The following EPHA8 variants were observed in gnomAD, a reference collection of about 807,000 sequenced individuals.
The protein encoded by EPHA8 is EPH receptor A8.
EPHA8 carries 58 observed loss-of-function variants against 103.6 expected under a neutral mutation model. The observed-to-expected ratio is 0.56, with a 90% CI of 0.45 to 0.70. The LOEUF is 0.70. Ranked by LOEUF, EPHA8 falls within the 30% of genes least tolerant of loss-of-function variation. The pLI is 0.00. For missense variants in EPHA8, 1,304 were observed against 1,395.2 expected (o/e 0.93, Z 1.04); for synonymous variants, 559 against 572.5 (o/e 0.98, Z 0.34).
intron 3 of EPHA8, among the ~76,000 whole-genome samples, chr1:22,580,381 C>A (rs1224156006): frequency 6.6e-6 from 1 of 152,018 alleles, no homozygotes; most frequent in African/African-American, 2.4e-5. Flanking sequence ...TCAAGTGATC[C>A]GCCTGCCTCG....
rs777749430 is a variant in EPHA8 at position 22,598,827 on chromosome 1, TC to T, written c.2179-6del. 3.7e-5 allele frequency: 60 copies of T among 1,610,162 alleles called. No individual in the cohort carries two copies. The South Asian group carries it at 6.4e-4, about 17-fold the overall frequency. ...GGGCTTTCCTGAAGTCCAAGCCATG[TC>T]CCCCTGCAGACCCACGACGGGCAGT... is the stretch of plus-strand genomic sequence containing the variant. On this transcript the variant is annotated splice_polypyrimidine_tract_variant and intron_variant, in intron 12 of 16. Transcript: ENST00000166244. The surrounding 1 kb of genome is among the most constrained non-coding windows in gnomAD (Gnocchi z 5.1).
At position 22,586,462 on chromosome 1, in the gene EPHA8, C is replaced by T; in HGVS notation, c.824-18C>T. On this transcript the variant is annotated intron_variant, in intron 3 of 16. Transcript: ENST00000166244. ...GGTGGCCCTGCTGGCTCATGTGCAG[C>T]CGCCTTCTCCTCCACAGCCTGTGAG... 1.9e-6 allele frequency: 3 copies of T among 1,611,084 alleles called. No individual in the cohort carries two copies. The highest frequency in any genetic ancestry group is 2.2e-5 in the East Asian group (1 of 44,822).
chr1:22,594,135 T>A (rs1641452605), intron 7 of EPHA8, among the ~76,000 whole-genome samples: 1 of 152,064 alleles, frequency 6.6e-6, no homozygotes, highest in African/African-American at 2.4e-5. Flanking sequence ...CCAGCCTAAT[T>A]TTTTTGTGTA....
rs750521094 is a variant in EPHA8, at chr1:22,597,766, C to A, written c.2021C>A (p.Thr674Lys). 2.5e-6 allele frequency: 4 copies of A among 1,613,214 alleles called. No homozygotes were observed. Among genetic ancestry groups the A allele is most frequent in the Non-Finnish European group, 3.4e-6 (4 of 1,179,988 alleles). Residue 674 changes from threonine (T) to lysine (K), a missense_variant, in exon 11 of 17, where the codon ACG (threonine) becomes AAG (lysine). Transcript: ENST00000166244. This position sits in a 1 kb window ranked among gnomAD's most constrained non-coding sequence, Gnocchi z 4.6. ...ATCAAGGCCCTCAAAGCCGGCTACA[C>A]GGAGAGACAGAGGCGGGACTTCCTG... The part of the protein sequence containing the change: ...VAIKALKAGY[T>K]ERQRRDFLSE...
intron 1 of EPHA8, among the ~76,000 whole-genome samples, chr1:22,564,581 GACCAAA>G (rs541086718): frequency 6.6e-6 from 1 of 152,084 alleles, no homozygotes; most frequent in Admixed American, 6.5e-5. Flanking sequence ...GAGTCGTTGG[GACCAAA>G]AAGGTCTGGG....
At chr1:22,583,036 G>A (rs959409781) in intron 3 of EPHA8, among the ~76,000 whole-genome samples, 4 of 152,202 alleles carry the variant, frequency 2.6e-5, no homozygotes, top group Non-Finnish European at 5.9e-5. Context: ...TCAAATCTCC[G>A]GCTCTTTGCG....
At chr1:22,585,050 T>TGCGC (rs1553146963) in intron 3 of EPHA8, among the ~76,000 whole-genome samples, 72 of 93,494 alleles carry the variant, frequency 7.7e-4, no homozygotes, top group Non-Finnish European at 1.1e-3. Context: ...TGTGTGTGTG[T>TGCGC]GCGCACGCGT....
At chr1:22,578,971 A>T (rs1640929802) in intron 3 of EPHA8, among the ~76,000 whole-genome samples, 2 of 142,282 alleles carry the variant, frequency 1.4e-5, no homozygotes, top group Admixed American at 7.4e-5. Context: ...GTGTATGTTC[A>T]TGTGTGTGAG....
chr1:22,591,391 T>C (rs2148256669), intron 5 of EPHA8, among the ~76,000 whole-genome samples: 1 of 151,070 alleles, frequency 6.6e-6, no homozygotes, highest in East Asian at 2.0e-4. Context: ...CCCAGTGATT[T>C]TTTTTTTTTT....
Position 22,595,250 on chromosome 1 carries a change from A to T in EPHA8, c.1624A>T (p.Thr542Ser), listed in dbSNP as rs939191026. ...GKPRPRYDTR[T>S]IVWICLTLIT... ...TGCAGGGCCCCGCTATGACACCAGG[A>T]CCATTGTCTGGATCTGCCTGACGCT... Residue 542 changes from threonine to serine, a missense_variant, in exon 8 of 17, where the codon ACC (threonine) becomes TCC (serine). Transcript: ENST00000166244. The T allele has an allele frequency of 1.9e-6, 3 of 1,613,168 alleles. No homozygotes were observed. The African/African-American group carries it at 4.0e-5, about 22-fold the overall frequency.
At chr1:22,578,115 C>T (rs1462806439) in intron 3 of EPHA8, among the ~76,000 whole-genome samples, 19 of 55,548 alleles carry the variant, frequency 3.4e-4, no homozygotes, top group East Asian at 2.4e-3. Flanking sequence ...TGCATGTGTG[C>T]GTGAGTGTAT....
Position 22,566,768 on chromosome 1 carries a change from G to T in EPHA8, c.95-2521G>T, listed in dbSNP as rs981933597. 2.6e-5 allele frequency among the ~76,000 whole-genome samples: 4 copies of T among 152,154 alleles called. No individual in the cohort carries two copies. In the East Asian group the frequency reaches 7.7e-4, roughly 29 times the overall value. The stretch of plus-strand genomic sequence containing the variant: ...CAGGCCCAGGCTGGGTGGGCCTAAT[G>T]GTGGCGTTCTCTTCAGCACTCATCA... On this transcript the variant is annotated intron_variant, in intron 1 of 16. Transcript: ENST00000166244.
At chr1:22,568,799 A>T (rs1015213420) in intron 1 of EPHA8, among the ~76,000 whole-genome samples, 2 of 152,240 alleles carry the variant, frequency 1.3e-5, no homozygotes, top group African/African-American at 4.8e-5. Flanking sequence ...TGGACCTTGA[A>T]TGCCATCATG....
chr1:22,597,366 C>T lies in EPHA8; in HGVS notation c.1820C>T (p.Pro607Leu), dbSNP rs144329757. ...CACCCCCCGGGAAAGCTCCCAGAGC[C>T]CCAGTTCTATGCGGAACCCCACACC... The part of the protein sequence containing the change: ...LHHPPGKLPE[P>L]QFYAEPHTYE... The change falls in exon 10 of 17, where the codon CCC (proline) becomes CTC (leucine). Residue 607 changes from proline (P) to leucine (L), a missense_variant. Pro to Leu is a moderately conservative substitution (Grantham distance 98). Coordinates refer to ENST00000166244, the MANE Select transcript of EPHA8 (RefSeq NM_020526.5). The surrounding 1 kb of genome is among the most constrained non-coding windows in gnomAD (Gnocchi z 4.6). 6.2e-7 allele frequency: 1 copy of T among 1,613,410 alleles called. No homozygotes were observed. The highest frequency in any genetic ancestry group is 2.2e-5 in the East Asian group (1 of 44,874).
intron 3 of EPHA8, among the ~76,000 whole-genome samples, chr1:22,579,632 G>A (rs1033131345): frequency 2.6e-5 from 4 of 152,138 alleles, no homozygotes; most frequent in Non-Finnish European, 5.9e-5. Flanking sequence ...TCTCTCCGTC[G>A]TTTTCTTTGG....
At chr1:22,593,178 G>A (rs1641418239) in intron 5 of EPHA8, 148 bp from the exon 6 acceptor site, 1 of 1,236,082 alleles carries the variant, frequency 8.1e-7, no homozygotes, top group Non-Finnish European at 1.1e-6. Context: ...GAGAACTGGA[G>A]GGTGCTGGCT....
chr1:22,584,670 A>G (rs667566), intron 3 of EPHA8, among the ~76,000 whole-genome samples: 50,723 of 151,958 alleles, frequency 0.33, 10,620 homozygotes, highest in African/African-American at 0.6. Flanking sequence ...TGAGCTTCCC[A>G]GTGGTCCCTG....
chr1:22,573,623 A>T (rs1640603923), intron 2 of EPHA8, among the ~76,000 whole-genome samples: 1 of 152,130 alleles, frequency 6.6e-6, no homozygotes, highest in Non-Finnish European at 1.5e-5. Context: ...GCATGCGTGG[A>T]GGAACCAGGA....
At position 22,603,373 on chromosome 1, in the gene EPHA8, G is replaced by GA. The variant is rs1442353056; in HGVS notation, c.*1632_*1633insA. The GA allele has an allele frequency of 1.3e-5, 2 of 152,310 alleles. No homozygotes were observed. The highest frequency in any genetic ancestry group is 6.6e-5 in the Admixed American group (1 of 15,260). 9.4% of individuals were successfully genotyped at this position (152,310 alleles called of 1,614,324 possible). ...GAAACATGGTCAGAACACGATCTGGGGGGGGGATCCTGTCTTCCTCCCCAC... is the reference window on the plus strand; with the variant it reads ...GAAACATGGTCAGAACACGATCTGGGAGGGGGGATCCTGTCTTCCTCCCCAC... On this transcript the variant is annotated 3_prime_UTR_variant, in exon 17 of 17. Transcript: ENST00000166244.
Sources: gnomAD v4.1 joint callset for allele counts (sites outside exome capture counted in the v4.1 genomes callset) on GRCh38, gnomAD v4.1.1 for gene constraint, Gnocchi (gnomAD v3.1) non-coding constraint, MANE v1.5 for transcripts, NCBI Gene and HGNC (gene_info 2026-07-23, HGNC 2026-07-21) for gene names.